The following SLC38A6 variants were observed in gnomAD, a reference collection of about 807,000 sequenced individuals.
The protein encoded by SLC38A6 is solute carrier family 38 member 6.
A neutral mutation model predicts 65.0 loss-of-function variants in SLC38A6; 73 were observed. The observed-to-expected ratio is 1.12, with a 90% CI of 0.93 to 1.37. The LOEUF (loss-of-function observed/expected upper bound fraction) is 1.37, where lower values mean the gene tolerates loss of function less well. SLC38A6 is among the 40% of genes most tolerant of loss of function. The pLI, the probability that SLC38A6 is intolerant of heterozygous loss-of-function variation, is 0.00. For missense variants in SLC38A6, 561 were observed against 531.1 expected (o/e 1.06, Z -0.55); for synonymous variants, 183 against 178.8 (o/e 1.02, Z -0.19).
At chr14:61,016,604 A>G (rs1260380619) in intron 4 of SLC38A6, among the ~76,000 whole-genome samples, 4 of 152,220 alleles carry the variant, frequency 2.6e-5, no homozygotes, top group Non-Finnish European at 5.9e-5. Context: ...TAATAGGTAG[A>G]GAAAAATAAT....
intron 16 of SLC38A6, among the ~76,000 whole-genome samples, chr14:61,082,737 C>G (rs895599767): frequency 6.6e-5 from 10 of 152,252 alleles, no homozygotes; most frequent in African/African-American, 2.2e-4. Flanking sequence ...CACGCCACAT[C>G]CTGCTCATGA....
chr14:60,990,659 G>A (rs2037802292), intron 3 of SLC38A6, among the ~76,000 whole-genome samples: 1 of 151,948 alleles, frequency 6.6e-6, no homozygotes, highest in Admixed American at 6.6e-5. Flanking sequence ...TCGAGATAGT[G>A]TCTTGCTGTG....
At chr14:61,012,688 G>A (rs1040494972) in intron 3 of SLC38A6, among the ~76,000 whole-genome samples, 2 of 151,662 alleles carry the variant, frequency 1.3e-5, no homozygotes, top group African/African-American at 4.8e-5. Flanking sequence ...ATGTAGTTGA[G>A]CGGTGTTGAG....
chr14:61,004,189 C>T (rs1275058275), intron 3 of SLC38A6, among the ~76,000 whole-genome samples: 3 of 151,980 alleles, frequency 2.0e-5, no homozygotes, highest in Non-Finnish European at 4.4e-5. Flanking sequence ...TGGAATCTTT[C>T]AGTATTATGG....
intron 15 of SLC38A6, among the ~76,000 whole-genome samples, chr14:61,063,567 T>C (rs2042925567): frequency 6.6e-6 from 1 of 152,176 alleles, no homozygotes; most frequent in South Asian, 2.1e-4. Flanking sequence ...CCTACCCCAG[T>C]ACACATGTAA....
intron 3 of SLC38A6, among the ~76,000 whole-genome samples, chr14:60,999,237 G>T (rs1431968391): frequency 6.6e-6 from 1 of 152,132 alleles, no homozygotes; most frequent in Non-Finnish European, 1.5e-5. Flanking sequence ...AAAGAATTTT[G>T]GTCCTTTCTA....
Position 61,030,484 on chromosome 14 carries a change from C to T in SLC38A6, c.443C>T (p.Pro148Leu). 6.2e-7 allele frequency: 1 copy of T among 1,611,074 alleles called. No homozygotes were observed. Reference sequence around the variant, plus strand: ...CTTTTAATTATTAAAACAGAGCTTCCTGCTGCTATTGCAGAATTTTTGACT... The same window carrying T: ...CTTTTAATTATTAAAACAGAGCTTCTTGCTGCTATTGCAGAATTTTTGACT... ...SYLLIIKTEL[P>L]AAIAEFLTGD... Residue 148 changes from proline to leucine, a missense_variant, in exon 6 of 16, where the codon CCT becomes CTT. By Grantham distance (98) the Pro-to-Leu change is moderately conservative. Coordinates refer to ENST00000267488, the MANE Select transcript of SLC38A6 (RefSeq NM_153811.3).
At chr14:61,040,147 A>G (rs1208215428) in intron 8 of SLC38A6, among the ~76,000 whole-genome samples, 4 of 151,948 alleles carry the variant, frequency 2.6e-5, no homozygotes, top group Non-Finnish European at 1.5e-5. Flanking sequence ...CAACGTTTTA[A>G]TACGTCGGTA....
At chr14:61,035,998 T>C (rs2041338633) in intron 6 of SLC38A6, among the ~76,000 whole-genome samples, 1 of 152,174 alleles carries the variant, frequency 6.6e-6, no homozygotes, top group Non-Finnish European at 1.5e-5. Context: ...TTCTGTATTC[T>C]AATGCCTTTA....
chr14:60,999,670 T>C (rs572955808), intron 3 of SLC38A6, among the ~76,000 whole-genome samples: 1 of 152,326 alleles, frequency 6.6e-6, no homozygotes, highest in Admixed American at 6.5e-5. Context: ...GAGATTATCC[T>C]GGTGGACTCT....
At chr14:61,045,945 G>T in intron 11 of SLC38A6, 122 bp from the exon 12 acceptor site, 1 of 593,896 alleles carries the variant, frequency 1.7e-6, no homozygotes, top group Non-Finnish European at 3.0e-6. Flanking sequence ...AGGACTTCTA[G>T]TGTATAGTTA....
Position 61,019,459 on chromosome 14 carries a change from A to G in SLC38A6, c.364-82A>G, listed in dbSNP as rs983838075. On this transcript the variant is annotated intron_variant, in intron 4 of 15. Coordinates refer to ENST00000267488, the MANE Select transcript of SLC38A6 (RefSeq NM_153811.3). ...AACTTCTGCATCTGCTTTTTTAGTAATAGTTACTGGATTTTAATAAAATAC... is the reference window on the plus strand; with the variant it reads ...AACTTCTGCATCTGCTTTTTTAGTAGTAGTTACTGGATTTTAATAAAATAC... The G allele has an allele frequency of 2.2e-5, 31 of 1,413,906 alleles. No individual in the cohort carries two copies. The African/African-American group carries it at 4.1e-4, about 19-fold the overall frequency. The allele number at this position is 1,413,906 out of a possible 1,614,324, so 87.6% of individuals were successfully genotyped here. A position where few individuals can be genotyped will look rare whatever the true frequency, so the allele number is the denominator to read the frequency against.
At chr14:61,066,547 G>T (rs548700847) in intron 15 of SLC38A6, among the ~76,000 whole-genome samples, 1 of 152,162 alleles carries the variant, frequency 6.6e-6, no homozygotes, top group Non-Finnish European at 1.5e-5. Flanking sequence ...TGGATGAAAA[G>T]ACATTGTAAT....
chr14:60,981,537 T>TCAGATGAGATTGGCGCAGTTATGA, intron 1 of SLC38A6, 155 bp downstream of exon 1: 8 of 1,532,046 alleles, frequency 5.2e-6, no homozygotes, highest in Non-Finnish European at 7.0e-6. Context: ...CCGCCGAGAT[T>TCAGATGAGATTGGCGCAGTTATGA]CAGATGAGAT....
chr14:61,028,206 A>G (rs998882765), intron 5 of SLC38A6, among the ~76,000 whole-genome samples: 8 of 152,174 alleles, frequency 5.3e-5, no homozygotes, highest in Admixed American at 2.0e-4. Context: ...CTAAAGGTCC[A>G]AAAGAAATAA....
chr14:61,040,790 GA>G (rs1430008852), intron 8 of SLC38A6, among the ~76,000 whole-genome samples: 1 of 152,154 alleles, frequency 6.6e-6, no homozygotes, highest in African/African-American at 2.4e-5. Flanking sequence ...CTGAAATAGA[GA>G]ATTATTTAAA....
In SLC38A6 at chr14:60,988,439, A is replaced by G. The variant is rs1376358254; in HGVS notation, c.310+3636A>G. Among the ~76,000 whole-genome samples, 5 of 152,308 alleles carry G rather than the reference A, an allele frequency of 3.3e-5. No homozygotes were observed. The East Asian group carries it at 7.7e-4, about 23-fold the overall frequency. On this transcript the variant is annotated intron_variant, in intron 3 of 15. Transcript: ENST00000267488. Reference sequence around the variant, plus strand: ...AGTATTACCCCTGTTATAATTCTGGATGATTTCAATATGCATGTAGCTAAT... The same window carrying G: ...AGTATTACCCCTGTTATAATTCTGGGTGATTTCAATATGCATGTAGCTAAT...
chr14:61,046,787 C>T (rs2042175948), intron 12 of SLC38A6, among the ~76,000 whole-genome samples: 1 of 151,786 alleles, frequency 6.6e-6, no homozygotes, highest in Non-Finnish European at 1.5e-5. Flanking sequence ...ACTTTTTTTC[C>T]TCTTCTGATA....
At chr14:61,062,052 T>C (rs1369548698) in intron 15 of SLC38A6, among the ~76,000 whole-genome samples, 2 of 152,188 alleles carry the variant, frequency 1.3e-5, no homozygotes, top group Non-Finnish European at 2.9e-5. Flanking sequence ...TTGGCCAGGC[T>C]GGTCTTGTAC....
Sources: gnomAD v4.1 joint callset for allele counts (sites outside exome capture counted in the v4.1 genomes callset) on GRCh38, gnomAD v4.1.1 for gene constraint, MANE v1.5 for transcripts, NCBI Gene and HGNC (gene_info 2026-07-23, HGNC 2026-07-21) for gene names.